The following SIRT1 variants were observed in gnomAD, a reference collection of about 807,000 sequenced individuals.
SIRT1 encodes NAD-dependent protein deacetylase sirtuin-1.
In SIRT1, 24 loss-of-function variants were observed where a neutral mutation model predicts 67.9. The ratio of observed to expected loss-of-function variants is 0.35; its 90% confidence interval spans 0.26 to 0.50. The LOEUF (loss-of-function observed/expected upper bound fraction) is 0.50, where lower values mean the gene tolerates loss of function less well. SIRT1 is among the 20% of genes least tolerant of loss of function. The probability of loss-of-function intolerance (pLI) is 0.98; values close to 1 mark genes in which losing one functional copy is unlikely to be tolerated. For missense variants in SIRT1, 873 were observed against 937.2 expected (o/e 0.93, Z 0.89); for synonymous variants, 378 against 350.7 (o/e 1.08, Z -0.87).
In SIRT1 at chr10:67,917,842, G is replaced by GCTT. The variant is rs1451933543; in HGVS notation, c.*1252_*1254dup. On this transcript the variant is annotated 3_prime_UTR_variant, in exon 9 of 9. Transcript: ENST00000212015. The stretch of plus-strand genomic sequence containing the variant: ...GAGATCAACTTTCTCAGCTGCAAAA[G>GCTT]CTTCTAGTCTTTCAAGAAGTTCATA... 1.7e-4 allele frequency: 26 copies of GCTT among 152,560 alleles called. No individual in the cohort carries two copies. The highest frequency in any genetic ancestry group is 3.9e-4 in the Admixed American group (6 of 15,272). The allele number at this position is 152,560 out of a possible 1,614,324, so 9.5% of individuals were successfully genotyped here.
chr10:67,887,645 C>T (rs1303544343), intron 2 of SIRT1, 112 bp downstream of exon 2: 4 of 642,550 alleles, frequency 6.2e-6, no homozygotes, highest in African/African-American at 3.7e-5. Flanking sequence ...GGCGCGATCT[C>T]GGCTCACCGT....
At chr10:67,909,165 A>G (rs1199227133) in intron 6 of SIRT1, 91 bp from the exon 7 acceptor site, 1 of 808,466 alleles carries the variant, frequency 1.2e-6, no homozygotes, top group African/African-American at 1.8e-5. Context: ...TAATTCTGAA[A>G]TGTATTCTTA....
At chr10:67,887,394 G>A (rs1201090713) in intron 1 of SIRT1, 23 bp from the exon 2 acceptor site, 2 of 1,513,724 alleles carry the variant, frequency 1.3e-6, no homozygotes, top group Non-Finnish European at 1.8e-6. Context: ...TGATAGCCTT[G>A]ACTGACTTGG....
At chr10:67,912,420 A>G in intron 7 of SIRT1, 54 bp from the exon 8 acceptor site, 1 of 1,478,312 alleles carries the variant, frequency 6.8e-7, no homozygotes, top group Non-Finnish European at 9.1e-7. Context: ...TTGTGGTTTT[A>G]TTAGCTTACT....
chr10:67,885,407 G>T, intron 1 of SIRT1: 1 of 1,228,138 alleles, frequency 8.1e-7, no homozygotes, highest in Non-Finnish European at 1.0e-6. Context: ...CAGGTCGGGA[G>T]ACTCTCGCAG....
rs544434847 is a variant in SIRT1 at position 67,911,777 on chromosome 10, ACCCTCCCTCCCT to A, written c.1358-690_1358-679del. Among the ~76,000 whole-genome samples the A allele has an allele frequency of 4.5e-5, 3 of 66,168 alleles. No homozygotes were observed. In the East Asian group the frequency reaches 1.6e-3, roughly 34 times the overall value. The allele number at this position is 66,168 out of a possible 152,430, so 43.4% of individuals were successfully genotyped here. A position where few individuals can be genotyped will look rare whatever the true frequency, so the allele number is the denominator to read the frequency against. The stretch of plus-strand genomic sequence containing the variant: ...CATCTGTCCGTCCTTCCTTCCTCCC[ACCCTCCCTCCCT>A]CCCTCCTATCCTCCCTCCCTCCCTC... On this transcript the variant is annotated intron_variant, in intron 7 of 8. Transcript: ENST00000212015.
chr10:67,888,044 G>C (rs1842513818), intron 2 of SIRT1, among the ~76,000 whole-genome samples: 3 of 152,142 alleles, frequency 2.0e-5, no homozygotes, highest in Admixed American at 2.0e-4. Flanking sequence ...AAGTTCTACG[G>C]GAGCAGGAAT....
At position 67,916,801 on chromosome 10, in the gene SIRT1, TTAA is replaced by T. The variant is rs1236362563; in HGVS notation, c.*209_*211del. On this transcript the variant is annotated 3_prime_UTR_variant, in exon 9 of 9. Transcript: ENST00000212015. ...AAACTCAACACTAACTTTTTTTTTT[TTAA>T]AAAAAAAAAGGTACTAAGTATCTTC... 2.0e-5 allele frequency: 7 copies of T among 343,648 alleles called. No homozygotes were observed. Among genetic ancestry groups the T allele is most frequent in the African/African-American group, 1.1e-4 (5 of 47,038 alleles). The allele number at this position is 343,648 out of a possible 1,614,324, so 21.3% of individuals were successfully genotyped here. A position where few individuals can be genotyped will look rare whatever the true frequency, so the allele number is the denominator to read the frequency against.
chr10:67,909,785 G>C (rs1842871291), intron 7 of SIRT1, among the ~76,000 whole-genome samples: 1 of 152,030 alleles, frequency 6.6e-6, no homozygotes, highest in South Asian at 2.1e-4. Context: ...ATGTTGGCCA[G>C]GCTGGTCTCG....
rs144895989 is a variant in SIRT1 at position 67,901,351 on chromosome 10, G to T, written c.943-5439G>T. Among the ~76,000 whole-genome samples, 4 of 152,166 alleles carry T rather than the reference G, an allele frequency of 2.6e-5. No homozygotes were observed. In the East Asian group the frequency reaches 5.8e-4, roughly 22 times the overall value. On this transcript the variant is annotated intron_variant, in intron 4 of 8. Transcript: ENST00000212015. ...GGGTCTCGCCATGTTGCCCAGTCCA[G>T]TGCTGGATTTTCATATCAAAACAGG...
At chr10:67,890,357 CA>C (rs1842550083) in intron 3 of SIRT1, among the ~76,000 whole-genome samples, 1 of 151,968 alleles carries the variant, frequency 6.6e-6, no homozygotes, top group Non-Finnish European at 1.5e-5. Context: ...CCTGGCTATA[CA>C]TTGTTTTTTT....
At chr10:67,887,022 C>T (rs1842494043) in intron 1 of SIRT1, among the ~76,000 whole-genome samples, 1 of 152,028 alleles carries the variant, frequency 6.6e-6, no homozygotes, top group East Asian at 1.9e-4. Flanking sequence ...CAGGCATGCG[C>T]CACCATGCCC....
Position 67,884,697 on chromosome 10 carries a change from G to C in SIRT1, c.-25G>C, listed in dbSNP as rs200908216. The C allele has an allele frequency of 2.6e-5, 32 of 1,228,194 alleles. No homozygotes were observed. The East Asian group carries it at 4.4e-4, about 17-fold the overall frequency. The allele number at this position is 1,228,194 out of a possible 1,614,324, so 76.1% of individuals were successfully genotyped here. A position where few individuals can be genotyped will look rare whatever the true frequency, so the allele number is the denominator to read the frequency against. On this transcript the variant is annotated 5_prime_UTR_variant, in exon 1 of 9. Transcript: ENST00000212015. ...GAGCGGGAGCAGAGGAGGCGAGGGA[G>C]GAGGGCCAGAGAGGCAGTTGGAAGA...
rs142393305 is a variant in SIRT1, at chr10:67,911,242, A to G, written c.1358-1232A>G. The stretch of plus-strand genomic sequence containing the variant: ...CGGGTGTCTTGCTGTAGCTCAGGCT[A>G]GAGTGCAGTGGTGCAGTTTCAGCTC... On this transcript the variant is annotated intron_variant, in intron 7 of 8. Transcript: ENST00000212015. Among the ~76,000 whole-genome samples the G allele has an allele frequency of 3.0e-3, 461 of 152,326 alleles. 3 individuals carry two copies. Among genetic ancestry groups the G allele is most frequent in the South Asian group, 0.025 (119 of 4,834 alleles).
chr10:67,908,941 A>AT lies in SIRT1; in HGVS notation c.1171-306dup, dbSNP rs1023732364. ...GAATCATTTTATTTGACAAATGTCT[A>AT]TTTTTTTTTGAAAGGATCAATTCCC... On this transcript the variant is annotated intron_variant, in intron 6 of 8. Transcript: ENST00000212015. 3.0e-3 allele frequency among the ~76,000 whole-genome samples: 454 copies of AT among 151,102 alleles called. 2 individuals are homozygous for AT. The highest frequency in any genetic ancestry group is 9.4e-3 in the African/African-American group (388 of 41,240).
At chr10:67,901,488 A>G (rs147957056) in intron 4 of SIRT1, among the ~76,000 whole-genome samples, 144 of 152,316 alleles carry the variant, frequency 9.5e-4, no homozygotes, top group Non-Finnish European at 1.2e-3. Context: ...AACTTTCTGT[A>G]GTAAGGTAGG....
At chr10:67,900,613 T>C (rs753571554) in intron 4 of SIRT1, among the ~76,000 whole-genome samples, 1 of 149,508 alleles carries the variant, frequency 6.7e-6, no homozygotes, top group Non-Finnish European at 1.5e-5. Context: ...CCCTGCTGTT[T>C]CTTTGTTTTT....
At position 67,910,155 on chromosome 10, in the gene SIRT1, G is replaced by A. The variant is rs35923230; in HGVS notation, c.1357+713G>A. On this transcript the variant is annotated intron_variant, in intron 7 of 8. Coordinates refer to ENST00000212015, the MANE Select transcript of SIRT1 (RefSeq NM_012238.5). Reference sequence around the variant, plus strand: ...TTTGGGAGGCCGAGGTAGGTGGATCGCTTGAGGGCAGCAGTTTGAGACCAG... The same window carrying A: ...TTTGGGAGGCCGAGGTAGGTGGATCACTTGAGGGCAGCAGTTTGAGACCAG... Among the ~76,000 whole-genome samples the A allele has an allele frequency of 9.6e-3, 1,455 of 152,002 alleles. 14 individuals are homozygous for A. The highest frequency in any genetic ancestry group is 0.034 in the Middle Eastern group (10 of 294).
intron 4 of SIRT1, among the ~76,000 whole-genome samples, chr10:67,901,022 A>C (rs1429021692): frequency 6.6e-6 from 1 of 152,198 alleles, no homozygotes; most frequent in East Asian, 1.9e-4. Flanking sequence ...AAATGTACTT[A>C]CTAGTCTTAG....
Sources: allele counts gnomAD v4.1 joint callset (sites outside exome capture counted in the v4.1 genomes callset), GRCh38; gene constraint gnomAD v4.1.1; transcripts MANE v1.5; gene names NCBI Gene and HGNC (gene_info 2026-07-23, HGNC 2026-07-21).